PCDH9: variants seen among roughly 807,000 people sequenced by gnomAD.
The protein encoded by PCDH9 is protocadherin 9, also known as protocadherin-9.
A neutral mutation model predicts 70.6 loss-of-function variants in PCDH9; 24 were observed. The observed-to-expected ratio is 0.34, with a 90% CI of 0.25 to 0.48. The LOEUF is 0.48. Ranked by LOEUF, PCDH9 falls within the 20% of genes least tolerant of loss-of-function variation. PCDH9 has a pLI of 0.99. For synonymous variants in PCDH9, 562 were observed against 558.5 expected (o/e 1.01, Z -0.09); for missense variants, 1,281 against 1,503.6 (o/e 0.85, Z 2.45).
At chr13:66,449,483 T>C (rs1024532360) in intron 4 of PCDH9, among the ~76,000 whole-genome samples, 1 of 152,184 alleles carries the variant, frequency 6.6e-6, no homozygotes, top group African/African-American at 2.4e-5. Context: ...CACTCTTAGC[T>C]TTAGGACTAG....
chr13:66,846,136 C>CAAT (rs56788566), intron 3 of PCDH9, among the ~76,000 whole-genome samples: 20 of 134,516 alleles, frequency 1.5e-4, no homozygotes, highest in Non-Finnish European at 1.9e-4. Context: ...AAAAAAAGAC[C>CAAT]AAAAAAAAAA....
At chr13:66,813,368 G>C (rs1433410507) in intron 3 of PCDH9, among the ~76,000 whole-genome samples, 1 of 151,822 alleles carries the variant, frequency 6.6e-6, no homozygotes, top group Non-Finnish European at 1.5e-5. Flanking sequence ...GATTATTGCT[G>C]TACAACCTCT....
intron 2 of PCDH9, among the ~76,000 whole-genome samples, chr13:67,018,009 G>C (rs949562448): frequency 2.0e-5 from 3 of 152,140 alleles, no homozygotes; most frequent in African/African-American, 7.2e-5. Context: ...TGTCTTTCTT[G>C]TTCTGTTAAT....
At chr13:66,980,229 G>T (rs1260340615) in intron 2 of PCDH9, among the ~76,000 whole-genome samples, 1 of 151,780 alleles carries the variant, frequency 6.6e-6, no homozygotes, top group Non-Finnish European at 1.5e-5. Flanking sequence ...CCCAAACTGG[G>T]GGACATTCTT....
At chr13:66,420,836 G>C (rs1957554045) in intron 4 of PCDH9, among the ~76,000 whole-genome samples, 1 of 152,072 alleles carries the variant, frequency 6.6e-6, no homozygotes, top group Non-Finnish European at 1.5e-5. Context: ...GAATGAGTTT[G>C]ACTAATTGAC....
intron 3 of PCDH9, among the ~76,000 whole-genome samples, chr13:66,737,638 C>T (rs569387804): frequency 2.3e-4 from 35 of 152,270 alleles, no homozygotes; most frequent in East Asian, 2.1e-3. Flanking sequence ...AGTGGGTGCG[C>T]GCACCGTGCA....
intron 4 of PCDH9, among the ~76,000 whole-genome samples, chr13:66,386,810 A>G (rs1229549466): frequency 6.6e-6 from 1 of 152,200 alleles, no homozygotes; most frequent in Non-Finnish European, 1.5e-5. Flanking sequence ...TACCAGACAG[A>G]GAACTAAAAA....
intron 3 of PCDH9, among the ~76,000 whole-genome samples, chr13:66,881,647 A>G (rs2081923323): frequency 1.3e-5 from 2 of 152,196 alleles, no homozygotes; most frequent in African/African-American, 2.4e-5. Context: ...TCACAAAATA[A>G]AATAACAAAA....
intron 4 of PCDH9, among the ~76,000 whole-genome samples, chr13:66,307,928 CCAA>C (rs1160226702): frequency 6.6e-6 from 1 of 152,058 alleles, no homozygotes; most frequent in Admixed American, 6.6e-5. Flanking sequence ...ATATTTACAA[CCAA>C]CAACATTTAT....
intron 2 of PCDH9, chr13:66,977,387 A>T (rs555609991): frequency 6.6e-6 from 1 of 152,208 alleles, no homozygotes; most frequent in Non-Finnish European, 1.5e-5. Context: ...GCAGCAGGAT[A>T]ACGTGGTAGT....
In PCDH9 at chr13:66,627,084, G is replaced by A. The variant is rs553979611; in HGVS notation, c.3340+4126C>T. On this transcript the variant is annotated intron_variant, in intron 4 of 4. Coordinates refer to ENST00000377865, the MANE Select transcript of PCDH9 (RefSeq NM_203487.3). Reference sequence around the variant, plus strand: ...TAATTTCTTTGAAAAAATACCTACTGGAAATAGTTACTATAGAAATTAGTA... The same window carrying A: ...TAATTTCTTTGAAAAAATACCTACTAGAAATAGTTACTATAGAAATTAGTA... 2.3e-4 allele frequency among the ~76,000 whole-genome samples: 35 copies of A among 151,640 alleles called. 1 individual carries two copies. The South Asian group carries it at 6.9e-3, about 30-fold the overall frequency.
intron 3 of PCDH9, among the ~76,000 whole-genome samples, chr13:66,716,907 A>G (rs2078872142): frequency 6.6e-6 from 1 of 152,126 alleles, no homozygotes; most frequent in Admixed American, 6.5e-5. Context: ...TTCAAAACTA[A>G]CATTTATTTC....
At position 66,730,830 on chromosome 13, in the gene PCDH9, T is replaced by C. The variant is rs560280882; in HGVS notation, c.3139-99419A>G. Among the ~76,000 whole-genome samples, 3 of 150,844 alleles carry C rather than the reference T, an allele frequency of 2.0e-5. No homozygotes were observed. The East Asian group carries it at 5.8e-4, about 29-fold the overall frequency. On this transcript the variant is annotated intron_variant, in intron 3 of 4. Transcript: ENST00000377865. ...AGTAAGTAAGTCTAAAGGAACTTGC[T>C]ATCATGCCTGGCTGTTTTTTTGTTT...
At chr13:66,567,222 A>G (rs1228830510) in intron 4 of PCDH9, among the ~76,000 whole-genome samples, 2 of 152,164 alleles carry the variant, frequency 1.3e-5, no homozygotes, top group Non-Finnish European at 2.9e-5. Flanking sequence ...GGGATATAAT[A>G]GAATCTACCT....
chr13:66,431,470 T>C (rs1160932827), intron 4 of PCDH9, among the ~76,000 whole-genome samples: 1 of 152,062 alleles, frequency 6.6e-6, no homozygotes, highest in East Asian at 1.9e-4. Context: ...CTCCATGATC[T>C]TATTCAAACT....
chr13:66,682,388 CTATCT>C (rs747834337), intron 3 of PCDH9, among the ~76,000 whole-genome samples: 6 of 108,342 alleles, frequency 5.5e-5, no homozygotes, highest in Non-Finnish European at 1.2e-4. Flanking sequence ...ATCTATCTAT[CTATCT>C]ATCTATCATC....
At chr13:66,909,351 G>A (rs1448530790) in intron 2 of PCDH9, among the ~76,000 whole-genome samples, 1 of 151,880 alleles carries the variant, frequency 6.6e-6, no homozygotes, top group African/African-American at 2.4e-5. Flanking sequence ...GATTAATGTT[G>A]TTAAAATGAC....
At chr13:66,946,901 T>C (rs571195613) in intron 2 of PCDH9, among the ~76,000 whole-genome samples, 1 of 152,282 alleles carries the variant, frequency 6.6e-6, no homozygotes, top group Admixed American at 6.5e-5. Flanking sequence ...TTATGTTGAA[T>C]AAATGTACTA....
intron 3 of PCDH9, among the ~76,000 whole-genome samples, chr13:66,883,898 A>AT (rs539703609): frequency 0.064 from 6,883 of 108,134 alleles, 618 homozygotes; most frequent in African/African-American, 0.17. Context: ...TTGAGCGTTC[A>AT]TTTTTTTTTT....
Sources: allele counts gnomAD v4.1 joint callset (sites outside exome capture counted in the v4.1 genomes callset), GRCh38; gene constraint gnomAD v4.1.1; transcripts MANE v1.5; gene names NCBI Gene and HGNC (gene_info 2026-07-23, HGNC 2026-07-21).